The following ZNF18 variants were observed in gnomAD, a reference collection of about 807,000 sequenced individuals.
ZNF18 encodes the protein zinc finger protein 18.
Under a neutral mutation model 58.1 loss-of-function variants are expected in ZNF18, and 42 were observed. That is an observed-to-expected ratio of 0.72 (90% CI 0.56 to 0.93). The LOEUF (loss-of-function observed/expected upper bound fraction) is 0.93, where lower values mean the gene tolerates loss of function less well. ZNF18 is among the 40% of genes least tolerant of loss of function. ZNF18 has a pLI of 0.00. For missense variants in ZNF18, 540 were observed against 644.2 expected (o/e 0.84, Z 1.75); for synonymous variants, 231 against 239.8 (o/e 0.96, Z 0.34).
chr17:11,985,553 CTATT>C (rs1478492632), intron 4 of ZNF18, among the ~76,000 whole-genome samples: 4 of 152,216 alleles, frequency 2.6e-5, no homozygotes, highest in African/African-American at 4.8e-5. Flanking sequence ...CATTTATTAA[CTATT>C]TATGTGTATG....
chr17:11,998,671 A>G (rs1271473229), upstream of ZNF18, among the ~76,000 whole-genome samples: 1 of 152,116 alleles, frequency 6.6e-6, no homozygotes, highest in Non-Finnish European at 1.5e-5. Context: ...GGAGAAATAA[A>G]GCTTGATGCG....
At chr17:11,984,495 C>T (rs924670705) in intron 4 of ZNF18, among the ~76,000 whole-genome samples, 2 of 149,954 alleles carry the variant, frequency 1.3e-5, no homozygotes, top group African/African-American at 2.5e-5. Flanking sequence ...GAGCCTTTTC[C>T]ATACTATTTG....
chr17:11,990,395 G>A, intron 4 of ZNF18, 67 bp downstream of exon 4: 1 of 1,363,336 alleles, frequency 7.3e-7, no homozygotes, highest in Non-Finnish European at 1.0e-6. Flanking sequence ...GGGGTGAAGA[G>A]AAGCAGGAGG....
the ZNF18 span, among the ~76,000 whole-genome samples, chr17:12,003,164 G>A: frequency 6.6e-6 from 1 of 152,096 alleles, no homozygotes; most frequent in East Asian, 1.9e-4. Context: ...GATCTTTAAG[G>A]TGTTCAAGAG....
At chr17:12,008,999 C>G in the ZNF18 span, 1 of 152,158 alleles carries the variant, frequency 6.6e-6, no homozygotes, top group Non-Finnish European at 1.5e-5. Context: ...TGGCAAATTC[C>G]TGACTTACGG....
chr17:12,004,187 C>T, the ZNF18 span, among the ~76,000 whole-genome samples: 9 of 151,352 alleles, frequency 5.9e-5, no homozygotes, highest in East Asian at 9.8e-4. Context: ...GCCAAGACTG[C>T]GCCACTGCAC....
chr17:11,986,751 G>C (rs150525857), intron 4 of ZNF18, among the ~76,000 whole-genome samples: 195 of 152,240 alleles, frequency 1.3e-3, no homozygotes, highest in African/African-American at 4.5e-3. Context: ...CAGAGAAAAG[G>C]ATGCACTTGC....
At chr17:11,995,409 G>A (rs548525287) in intron 1 of ZNF18, 1 of 151,574 alleles carries the variant, frequency 6.6e-6, no homozygotes, top group Non-Finnish European at 1.5e-5. Context: ...CAGGCCAGGC[G>A]CGGTGGGTCA....
At chr17:12,021,120 C>A in the ZNF18 span, 5 of 492,092 alleles carry the variant, frequency 1.0e-5, no homozygotes, top group Middle Eastern at 6.3e-4. Flanking sequence ...CCGCCGGCTT[C>A]TCCCTCTCTC....
upstream of ZNF18, among the ~76,000 whole-genome samples, chr17:11,999,754 A>C (rs189575086): frequency 6.6e-6 from 1 of 152,332 alleles, no homozygotes; most frequent in East Asian, 1.9e-4. Context: ...TTGTGAAGAA[A>C]ATTACATTGG....
the ZNF18 span, among the ~76,000 whole-genome samples, chr17:12,017,670 G>A: frequency 6.6e-6 from 1 of 152,112 alleles, no homozygotes; most frequent in Non-Finnish European, 1.5e-5. Context: ...CTAAGGTCGG[G>A]AGTTCGAGAC....
chr17:11,981,083 AC>A (rs1435637718), intron 6 of ZNF18, among the ~76,000 whole-genome samples: 1 of 151,994 alleles, frequency 6.6e-6, no homozygotes, highest in African/African-American at 2.4e-5. Flanking sequence ...CTCTATATTG[AC>A]TTTTGCCCCT....
the ZNF18 span, among the ~76,000 whole-genome samples, chr17:12,010,251 A>T: frequency 1.3e-5 from 2 of 152,178 alleles, no homozygotes; most frequent in Non-Finnish European, 2.9e-5. Flanking sequence ...ATATCTTGTA[A>T]TTCTTCGCTA....
In ZNF18 at chr17:11,978,061, C is replaced by T; in HGVS notation, c.1546G>A (p.Gly516Arg). The T allele has an allele frequency of 2.5e-6, 4 of 1,614,052 alleles. No homozygotes were observed. Among genetic ancestry groups the T allele is most frequent in the Non-Finnish European group, 3.4e-6 (4 of 1,179,988 alleles). The change falls in exon 7 of 7, where the codon GGA becomes AGA. Residue 516 changes from glycine (G) to arginine (R), a missense_variant. Transcript: ENST00000580306. ...TGCGAACATTTATAAGGTTTCTCTCCAGTGTGAACCCTCTGATGTCTATTA... is the reference window on the plus strand; with the variant it reads ...TGCGAACATTTATAAGGTTTCTCTCTAGTGTGAACCCTCTGATGTCTATTA... ...NFNRHQRVHTGEKPYKCSHCG... is the reference protein window; with the variant it reads ...NFNRHQRVHTREKPYKCSHCG...
intron 1 of ZNF18, among the ~76,000 whole-genome samples, chr17:11,996,645 T>TAA (rs1367937650): frequency 1.3e-5 from 2 of 152,200 alleles, no homozygotes; most frequent in South Asian, 2.1e-4. Context: ...TACCTGTTAT[T>TAA]AAACCTTTAA....
At chr17:12,021,182 C>T in the ZNF18 span, 9 of 351,928 alleles carry the variant, frequency 2.6e-5, no homozygotes, top group African/African-American at 6.4e-5. Context: ...GGCTTGGATC[C>T]GGGCTCCGGC....
intron 6 of ZNF18, among the ~76,000 whole-genome samples, chr17:11,982,015 TCTC>T (rs1384731680): frequency 6.6e-6 from 1 of 151,744 alleles, no homozygotes; most frequent in Non-Finnish European, 1.5e-5. Context: ...TAGTTTCCTG[TCTC>T]CTCCTCTCCC....
chr17:12,004,287 T>C, the ZNF18 span, among the ~76,000 whole-genome samples: 2 of 152,006 alleles, frequency 1.3e-5, no homozygotes, highest in Non-Finnish European at 2.9e-5. Flanking sequence ...TATTGAGACA[T>C]ACTGAAGTTA....
intron 6 of ZNF18, among the ~76,000 whole-genome samples, chr17:11,982,060 T>C (rs1463146530): frequency 2.0e-5 from 3 of 151,772 alleles, no homozygotes; most frequent in Non-Finnish European, 4.4e-5. Context: ...AGTCTCTCCC[T>C]TCCTCTCCGC....
Sources: gnomAD v4.1 joint callset for allele counts (sites outside exome capture counted in the v4.1 genomes callset) on GRCh38, gnomAD v4.1.1 for gene constraint, MANE v1.5 for transcripts, NCBI Gene and HGNC (gene_info 2026-07-23, HGNC 2026-07-21) for gene names.